Variants in STPG2 observed in about 807,000 individuals in gnomAD.
The protein encoded by STPG2 is sperm tail PG-rich repeat containing 2.
In STPG2, 56 loss-of-function variants were observed where a neutral mutation model predicts 54.2. That is an observed-to-expected ratio of 1.03 (90% CI 0.83 to 1.29). The LOEUF is 1.29. STPG2 is among the 50% of genes most tolerant of loss of function. The probability of loss-of-function intolerance (pLI) is 0.00; values close to 1 mark genes in which losing one functional copy is unlikely to be tolerated. For synonymous variants in STPG2, 200 were observed against 181.8 expected, an observed-to-expected ratio of 1.10 and a Z score of -0.81; for missense variants, 596 against 544.9, an observed-to-expected ratio of 1.09 and a Z score of -0.93.
intron 10 of STPG2, among the ~76,000 whole-genome samples, chr4:97,701,833 C>G (rs770427828): frequency 1.3e-5 from 2 of 152,192 alleles, no homozygotes; most frequent in Non-Finnish European, 2.9e-5. Flanking sequence ...ACAGTAGCTA[C>G]GACCACTTTG....
chr4:97,716,858 T>A (rs1724306442), intron 9 of STPG2, among the ~76,000 whole-genome samples: 1 of 151,976 alleles, frequency 6.6e-6, no homozygotes, highest in Admixed American at 6.6e-5. Flanking sequence ...TCTGCACATG[T>A]ATCCCAGATC....
At chr4:97,987,136 G>T (rs1030323677) in intron 5 of STPG2, among the ~76,000 whole-genome samples, 18 of 152,194 alleles carry the variant, frequency 1.2e-4, no homozygotes, top group African/African-American at 3.9e-4. Flanking sequence ...TCATTAAAAG[G>T]CAAGCTGGAA....
At chr4:98,079,200 G>C (rs1738263317) in intron 5 of STPG2, among the ~76,000 whole-genome samples, 2 of 152,154 alleles carry the variant, frequency 1.3e-5, no homozygotes, top group Admixed American at 6.5e-5. Flanking sequence ...TGGGCAGCCT[G>C]TTGATTAAAA....
At chr4:97,782,205 C>A (rs1179646279) in intron 9 of STPG2, among the ~76,000 whole-genome samples, 1 of 152,160 alleles carries the variant, frequency 6.6e-6, no homozygotes, top group Non-Finnish European at 1.5e-5. Context: ...CCCAAAATCT[C>A]CTTAAGCTGA....
chr4:98,116,222 C>T (rs1329406110), intron 3 of STPG2, among the ~76,000 whole-genome samples: 1 of 150,742 alleles, frequency 6.6e-6, no homozygotes, highest in Non-Finnish European at 1.5e-5. Flanking sequence ...ATCATTGTGG[C>T]CTTCTAATAG....
At chr4:97,643,927 T>G (rs1449344008) in intron 10 of STPG2, among the ~76,000 whole-genome samples, 1 of 151,812 alleles carries the variant, frequency 6.6e-6, no homozygotes, top group African/African-American at 2.4e-5. Context: ...AGGAAATAAG[T>G]TATAGTAAAT....
intron 8 of STPG2, among the ~76,000 whole-genome samples, chr4:97,926,983 C>A (rs1371854559): frequency 6.6e-6 from 1 of 152,000 alleles, no homozygotes; most frequent in African/African-American, 2.4e-5. Context: ...CTATCAGGTA[C>A]GTCTTGTTAT....
At chr4:98,071,230 T>G (rs1235635610) in intron 5 of STPG2, among the ~76,000 whole-genome samples, 1 of 151,888 alleles carries the variant, frequency 6.6e-6, no homozygotes, top group Non-Finnish European at 1.5e-5. Context: ...CATAGACAAA[T>G]GAAACGTAAC....
intron 9 of STPG2, among the ~76,000 whole-genome samples, chr4:97,783,933 G>A (rs1290933035): frequency 2.0e-5 from 3 of 151,942 alleles, no homozygotes; most frequent in Non-Finnish European, 4.4e-5. Flanking sequence ...TGGGGGGAGA[G>A]GGGAGGGAAA....
intron 8 of STPG2, among the ~76,000 whole-genome samples, chr4:97,920,568 T>A (rs572265513): frequency 3.3e-5 from 5 of 151,980 alleles, no homozygotes; most frequent in Non-Finnish European, 7.4e-5. Flanking sequence ...TATCTCCTTA[T>A]TAAGAGTTAA....
At chr4:97,847,015 C>T (rs1174695668) in intron 8 of STPG2, among the ~76,000 whole-genome samples, 2 of 152,112 alleles carry the variant, frequency 1.3e-5, no homozygotes, top group Non-Finnish European at 2.9e-5. Flanking sequence ...TGAAACTTGT[C>T]ATTATCATTG....
intron 5 of STPG2, among the ~76,000 whole-genome samples, chr4:97,998,679 T>A (rs905232556): frequency 6.6e-6 from 1 of 152,172 alleles, no homozygotes; most frequent in Non-Finnish European, 1.5e-5. Flanking sequence ...GTGGTTTGCA[T>A]CAGCTTGTGA....
intron 10 of STPG2, among the ~76,000 whole-genome samples, chr4:97,559,363 A>C (rs1175671405): frequency 2.0e-5 from 3 of 152,114 alleles, no homozygotes; most frequent in Non-Finnish European, 4.4e-5. Flanking sequence ...TTTTTACTTC[A>C]AGTAGGTCTG....
At chr4:97,850,223 A>C (rs1340312317) in intron 8 of STPG2, among the ~76,000 whole-genome samples, 2 of 128,588 alleles carry the variant, frequency 1.6e-5, no homozygotes, top group African/African-American at 2.9e-5. Flanking sequence ...TTGAACAATG[A>C]GATCACATGG....
chr4:98,137,407 T>C (rs1049081450), intron 1 of STPG2, among the ~76,000 whole-genome samples: 1 of 151,830 alleles, frequency 6.6e-6, no homozygotes, highest in Non-Finnish European at 1.5e-5. Context: ...ATTTTGGCAA[T>C]GTTCTATTTC....
chr4:97,981,940 A>G (rs994443624), intron 5 of STPG2, among the ~76,000 whole-genome samples: 1 of 148,882 alleles, frequency 6.7e-6, no homozygotes, highest in African/African-American at 2.5e-5. Context: ...GCTGGAGTGC[A>G]GTGGCGCGAT....
chr4:97,544,023 AAAAG>A (rs1327267398), intron 4 of STPG2, among the ~76,000 whole-genome samples: 3 of 152,154 alleles, frequency 2.0e-5, no homozygotes, highest in Non-Finnish European at 4.4e-5. Flanking sequence ...TGGTTCAACA[AAAAG>A]AAAACTGTAC....
intron 8 of STPG2, among the ~76,000 whole-genome samples, chr4:97,898,985 A>G (rs947890477): frequency 2.0e-5 from 3 of 151,778 alleles, no homozygotes; most frequent in Non-Finnish European, 3.0e-5. Context: ...ATCAGGCAAG[A>G]GAAAAAAATA....
At chr4:98,036,135 G>T (rs1021068121) in intron 5 of STPG2, among the ~76,000 whole-genome samples, 7 of 151,596 alleles carry the variant, frequency 4.6e-5, no homozygotes, top group Admixed American at 2.0e-4. Flanking sequence ...CTCAAAAAAA[G>T]AGAAAAAAAG....
Sources: allele counts gnomAD v4.1 joint callset (sites outside exome capture counted in the v4.1 genomes callset), GRCh38; gene constraint gnomAD v4.1.1; transcripts MANE v1.5; gene names NCBI Gene and HGNC (gene_info 2026-07-23, HGNC 2026-07-21).